The following CLIP4 variants were observed in gnomAD, a reference collection of about 807,000 sequenced individuals.
CLIP4 encodes the protein CAP-Gly domain containing linker protein family member 4.
Under a neutral mutation model 73.1 loss-of-function variants are expected in CLIP4, and 47 were observed. That is an observed-to-expected ratio of 0.64 (90% CI 0.51 to 0.82). CLIP4 has a LOEUF of 0.82. Ranked by LOEUF, CLIP4 falls within the 40% of genes least tolerant of loss-of-function variation. The pLI is 0.00. For missense variants in CLIP4, 874 were observed against 852.9 expected, an observed-to-expected ratio of 1.02 and a Z score of -0.31; for synonymous variants, 306 against 295.4, an observed-to-expected ratio of 1.04 and a Z score of -0.37.
intron 15 of CLIP4, chr2:29,174,674 C>G: frequency 1.1e-5 from 13 of 1,224,790 alleles, no homozygotes; most frequent in Non-Finnish European, 1.2e-5. Context: ...ATTTTATCTT[C>G]ATAGAGGTCA....
At position 29,156,366 on chromosome 2, in the gene CLIP4, CA is replaced by C. The variant is rs1332364476; in HGVS notation, c.1185del (p.Asp396IlefsTer19). ...TSKVNTGLMT[S>X]KKDSASESTL... Reference sequence around the variant, plus strand: ...TTTTGTGTCCAAGGATTAATGACATCAAAAAAAGATAGTGCTTCTGAGTCAA... The same window carrying C: ...TTTTGTGTCCAAGGATTAATGACATCAAAAAAGATAGTGCTTCTGAGTCAA... On this transcript the variant is annotated frameshift_variant, in exon 10 of 16. Coordinates refer to ENST00000320081, the MANE Select transcript of CLIP4 (RefSeq NM_024692.6). LOFTEE classifies it high-confidence loss of function. 10 of 1,569,552 alleles carry C rather than the reference CA, an allele frequency of 6.4e-6. No individual in the cohort carries two copies. The highest frequency in any genetic ancestry group is 1.7e-4 in the Middle Eastern group (1 of 5,888).
intron 13 of CLIP4, among the ~76,000 whole-genome samples, chr2:29,166,000 C>G (rs1205393264): frequency 6.6e-6 from 1 of 150,948 alleles, no homozygotes; most frequent in Non-Finnish European, 1.5e-5. Flanking sequence ...AGGGCTGTCT[C>G]TAAATGAACT....
intron 1 of CLIP4, among the ~76,000 whole-genome samples, chr2:29,106,332 AAT>A (rs1414853956): frequency 1.3e-5 from 2 of 152,118 alleles, no homozygotes; most frequent in African/African-American, 4.8e-5. Context: ...CGTAGCTCAA[AAT>A]ATGTCTTTCC....
intron 12 of CLIP4, 28 bp from the exon 13 acceptor site, chr2:29,163,803 C>A: frequency 1.3e-6 from 2 of 1,599,968 alleles, no homozygotes; most frequent in Non-Finnish European, 1.7e-6. Flanking sequence ...AGTACAGATG[C>A]TTTTGAAATG....
chr2:29,109,866 TG>T (rs938195479), intron 1 of CLIP4, among the ~76,000 whole-genome samples: 8 of 152,138 alleles, frequency 5.3e-5, no homozygotes, highest in African/African-American at 1.7e-4. Context: ...AAGACCAGCC[TG>T]GCCGTCATAG....
rs1410695877 is a variant in CLIP4 at position 29,115,691 on chromosome 2, C to T, written c.-16+26C>T. 2 of 147,610 alleles carry T rather than the reference C, an allele frequency of 1.4e-5. No individual in the cohort carries two copies. Among genetic ancestry groups the T allele is most frequent in the East Asian group, 3.9e-4 (2 of 5,078 alleles). The allele number at this position is 147,610 out of a possible 1,614,324, so 9.1% of individuals were successfully genotyped here. ...GTGGGCCGGGGGCGCGCGGGGCCCC[C>T]CCGGGCCGCGGGCTGGCCGGCGGCG... On this transcript the variant is annotated intron_variant, in intron 1 of 15. Transcript: ENST00000320081. This position sits in a 1 kb window ranked among gnomAD's most constrained non-coding sequence, Gnocchi z 5.1.
At chr2:29,149,423 TTC>T (rs1491355065) in intron 8 of CLIP4, among the ~76,000 whole-genome samples, 1 of 151,414 alleles carries the variant, frequency 6.6e-6, no homozygotes, top group Non-Finnish European at 1.5e-5. Flanking sequence ...TTTTTTTTTT[TTC>T]TTTAGAGTTC....
chr2:29,160,090 A>G (rs1667190554), intron 11 of CLIP4, among the ~76,000 whole-genome samples: 2 of 152,200 alleles, frequency 1.3e-5, no homozygotes, highest in South Asian at 2.1e-4. Flanking sequence ...TGAATTTCCC[A>G]TGGCAGTAAT....
chr2:29,105,788 C>G (rs1223896246), intron 1 of CLIP4, among the ~76,000 whole-genome samples: 4 of 152,180 alleles, frequency 2.6e-5, no homozygotes, highest in African/African-American at 7.2e-5. Context: ...CCATGTGAGG[C>G]TACACTGAAA....
intron 14 of CLIP4, among the ~76,000 whole-genome samples, chr2:29,173,550 T>C (rs1036243986): frequency 1.2e-4 from 18 of 152,234 alleles, no homozygotes; most frequent in African/African-American, 4.3e-4. Flanking sequence ...GGTCAATTAC[T>C]TTGGTGCTTG....
intron 2 of CLIP4, among the ~76,000 whole-genome samples, chr2:29,123,696 T>G (rs1664413003): frequency 6.6e-6 from 1 of 151,860 alleles, no homozygotes; most frequent in African/African-American, 2.4e-5. Context: ...GATGGCAGAG[T>G]GGGAGGAGAA....
chr2:29,157,019 G>T (rs375302246), intron 10 of CLIP4, among the ~76,000 whole-genome samples, 185 bp from the exon 11 acceptor site: 1 of 152,028 alleles, frequency 6.6e-6, no homozygotes, highest in Non-Finnish European at 1.5e-5. Flanking sequence ...TATTGCTTGT[G>T]TTATAAAATC....
chr2:29,137,912 C>T (rs1420215852), intron 6 of CLIP4, among the ~76,000 whole-genome samples: 1 of 151,670 alleles, frequency 6.6e-6, no homozygotes, highest in Admixed American at 6.6e-5. Flanking sequence ...GATATTAGTC[C>T]TTTGTTGGAT....
chr2:29,164,698 C>T (rs1386920988), intron 13 of CLIP4, among the ~76,000 whole-genome samples: 8 of 152,138 alleles, frequency 5.3e-5, no homozygotes, highest in East Asian at 3.9e-4. Context: ...GACCTACGAT[C>T]GCAATCTGGG....
chr2:29,137,171 C>G (rs375175998), intron 6 of CLIP4, among the ~76,000 whole-genome samples: 91 of 152,192 alleles, frequency 6.0e-4, no homozygotes, highest in African/African-American at 2.0e-3. Context: ...CCACCTCCTT[C>G]CCTCCCACAC....
chr2:29,160,405 T>C lies in CLIP4; in HGVS notation c.1472T>C (p.Val491Ala). The C allele has an allele frequency of 6.2e-7, 1 of 1,613,518 alleles. No homozygotes were observed. Among genetic ancestry groups the C allele is most frequent in the Non-Finnish European group, 8.5e-7 (1 of 1,179,892 alleles). ...CEGELRLGER[V>A]LVVGQRLGTI... is the part of the protein sequence containing the mutation. The stretch of plus-strand genomic sequence containing the variant: ...GGGGAACTCCGCCTCGGAGAGAGAG[T>C]GTTAGTGGTAGGACAGAGACTGGGC... Residue 491 changes from valine to alanine, a missense_variant, in exon 12 of 16, where the codon GTG becomes GCG. Physicochemically the swap from Val to Ala is moderately conservative, Grantham distance 64. Transcript: ENST00000320081.
chr2:29,110,869 A>G (rs1249661563), upstream of CLIP4, among the ~76,000 whole-genome samples: 1 of 152,120 alleles, frequency 6.6e-6, no homozygotes, highest in Non-Finnish European at 1.5e-5. Context: ...TTGTATTTTT[A>G]GCAGAGACCA....
intron 1 of CLIP4, among the ~76,000 whole-genome samples, chr2:29,108,626 C>T (rs1267225178): frequency 1.3e-5 from 2 of 152,182 alleles, no homozygotes; most frequent in Non-Finnish European, 2.9e-5. Flanking sequence ...TAATAATTAT[C>T]AATATTTTAT....
chr2:29,128,913 A>G (rs141226142), intron 2 of CLIP4, among the ~76,000 whole-genome samples: 33 of 152,274 alleles, frequency 2.2e-4, no homozygotes, highest in Admixed American at 1.8e-3. Flanking sequence ...ATAATTTTTC[A>G]GTGTAGCACA....
Sources: gnomAD v4.1 joint callset for allele counts (sites outside exome capture counted in the v4.1 genomes callset) on GRCh38, gnomAD v4.1.1 for gene constraint, Gnocchi (gnomAD v3.1) non-coding constraint, MANE v1.5 for transcripts, NCBI Gene and HGNC (gene_info 2026-07-23, HGNC 2026-07-21) for gene names.